The following KIF1B variants were observed in gnomAD, a reference collection of about 807,000 sequenced individuals.
KIF1B encodes kinesin family member 1B, also known as kinesin-like protein KIF1B.
KIF1B carries 76 observed loss-of-function variants against 241.9 expected under a neutral mutation model. The ratio of observed to expected loss-of-function variants is 0.31; its 90% CI spans 0.26 to 0.38. The LOEUF is 0.38. KIF1B is among the 10% of genes least tolerant of loss of function. The pLI, the probability that KIF1B is intolerant of heterozygous loss-of-function variation, is 1.00. For missense variants in KIF1B, 1,622 were observed against 2,271.4 expected (o/e 0.71, Z 5.81); for synonymous variants, 750 against 796.7 (o/e 0.94, Z 0.99).
chr1:10,339,839 G>C lies in KIF1B; in HGVS notation c.3493G>C (p.Ala1165Pro), dbSNP rs762337762. Reference protein sequence around the residue: ...LKNNGRGSPLAFYHVQNIAVE... With the variant: ...LKNNGRGSPLPFYHVQNIAVE... ...AAACAATGGCAGAGGAAGTCCCCTG[G>C]CCTTTTATCATGTGCAGAATGTAAG... Residue 1165 changes from alanine (A) to proline (P), a missense_variant, in exon 32 of 49, where the codon GCC becomes CCC. Transcript: ENST00000676179. The C allele has an allele frequency of 1.2e-6, 2 of 1,614,006 alleles. No individual in the cohort carries two copies. Among genetic ancestry groups the C allele is most frequent in the South Asian group, 2.2e-5 (2 of 91,070 alleles).
intron 17 of KIF1B, among the ~76,000 whole-genome samples, chr1:10,293,084 A>G (rs1257314167): frequency 2.6e-5 from 1 of 39,002 alleles, no homozygotes; most frequent in Non-Finnish European, 5.2e-5. Context: ...CTGGCCACAT[A>G]ACTTTTTTTT....
At chr1:10,285,465 C>G (rs1649639968) in intron 15 of KIF1B, among the ~76,000 whole-genome samples, 1 of 152,218 alleles carries the variant, frequency 6.6e-6, no homozygotes, top group South Asian at 2.1e-4. Context: ...TCAGGGAACT[C>G]TCCTTCCGAC....
chr1:10,229,872 A>G (rs1295501244), intron 1 of KIF1B, among the ~76,000 whole-genome samples: 1 of 86,244 alleles, frequency 1.2e-5, no homozygotes, highest in Non-Finnish European at 2.9e-5. Context: ...CGTCTCAAAA[A>G]AAAAAAAAAA....
intron 2 of KIF1B, among the ~76,000 whole-genome samples, chr1:10,237,170 T>G (rs935988610): frequency 3.9e-5 from 6 of 152,254 alleles, no homozygotes; most frequent in Admixed American, 3.9e-4. Context: ...TAAATGTTAC[T>G]GTCTTGACAT....
chr1:10,350,956 C>T (rs1490886394), intron 37 of KIF1B, among the ~76,000 whole-genome samples: 2 of 151,644 alleles, frequency 1.3e-5, no homozygotes, highest in Admixed American at 6.6e-5. Context: ...GGTGTGGTGG[C>T]TCATGCCTAT....
At chr1:10,250,199 C>T (rs1441394972) in intron 2 of KIF1B, among the ~76,000 whole-genome samples, 2 of 151,928 alleles carry the variant, frequency 1.3e-5, no homozygotes, top group Admixed American at 6.6e-5. Context: ...GGGTAAAATA[C>T]GTATTTAAGA....
Position 10,216,666 on chromosome 1 carries a change from C to T in KIF1B, c.-80+5788C>T, listed in dbSNP as rs1282274841. ...GAGCAGTTCTGCTTAGCTCCCTCCC[C>T]ATTTCTCCACAGTTGCTATTATAAA... On this transcript the variant is annotated intron_variant, in intron 1 of 48. Coordinates refer to ENST00000676179, the MANE Select transcript of KIF1B (RefSeq NM_001365951.3). Among the ~76,000 whole-genome samples the T allele has an allele frequency of 2.6e-5, 4 of 152,088 alleles. No individual in the cohort carries two copies. In the East Asian group the frequency reaches 7.7e-4, roughly 29 times the overall value.
chr1:10,260,886 C>CCA (rs1168814982), intron 4 of KIF1B, among the ~76,000 whole-genome samples: 1 of 150,660 alleles, frequency 6.6e-6, no homozygotes, highest in Non-Finnish European at 1.5e-5. Flanking sequence ...AAAAAAGAAA[C>CCA]CACACACACA....
At chr1:10,213,815 G>A (rs1205952822) in intron 1 of KIF1B, among the ~76,000 whole-genome samples, 1 of 152,124 alleles carries the variant, frequency 6.6e-6, no homozygotes, top group Non-Finnish European at 1.5e-5. Context: ...AAATTAAACA[G>A]ATGTGACTGT....
chr1:10,232,359 C>T lies in KIF1B; in HGVS notation c.31C>T (p.Arg11Trp). The stretch of plus-strand genomic sequence containing the variant: ...GGGAGCCTCAGTGAAGGTGGCTGTC[C>T]GGGTAAGGCCCTTCAATTCTCGAGA... MSGASVKVAV[R>W]VRPFNSRETS... The change falls in exon 2 of 49, where the codon CGG becomes TGG. Residue 11 changes from arginine to tryptophan, a missense_variant. Coordinates refer to ENST00000676179, the MANE Select transcript of KIF1B (RefSeq NM_001365951.3). 1 of 1,613,870 alleles carries T rather than the reference C, an allele frequency of 6.2e-7. No homozygotes were observed. The highest frequency in any genetic ancestry group is 8.5e-7 in the Non-Finnish European group (1 of 1,179,892).
At chr1:10,332,603 C>T in intron 27 of KIF1B, among the ~76,000 whole-genome samples, 1 of 143,396 alleles carries the variant, frequency 7.0e-6, no homozygotes. Flanking sequence ...GCAAGCTCCG[C>T]CTCCCGGGTT....
At chr1:10,242,358 G>C (rs1291782254) in intron 2 of KIF1B, among the ~76,000 whole-genome samples, 1 of 152,130 alleles carries the variant, frequency 6.6e-6, no homozygotes, top group Non-Finnish European at 1.5e-5. Context: ...TCCATACGTA[G>C]GCTCTGTGGT....
intron 6 of KIF1B, 152 bp from the exon 7 acceptor site, chr1:10,268,000 G>A: frequency 1.4e-6 from 1 of 696,936 alleles, no homozygotes; most frequent in South Asian, 1.6e-5. Context: ...AGGCAGTATT[G>A]AGAGCAATTG....
intron 2 of KIF1B, among the ~76,000 whole-genome samples, chr1:10,233,710 CT>C (rs61200537): frequency 5.8e-4 from 83 of 142,602 alleles, no homozygotes; most frequent in Admixed American, 8.5e-4. Flanking sequence ...CTCAATAAAG[CT>C]TTTTTTTTTT....
chr1:10,284,917 G>C (rs1041834717), intron 15 of KIF1B, among the ~76,000 whole-genome samples: 1 of 152,098 alleles, frequency 6.6e-6, no homozygotes, highest in African/African-American at 2.4e-5. Context: ...GAACATGTAA[G>C]TGGAAAGTGA....
rs894940983 is a variant in KIF1B, at chr1:10,378,782, G to T, written c.*2195G>T. 1.1e-5 allele frequency: 3 copies of T among 265,054 alleles called. No individual in the cohort carries two copies. The highest frequency in any genetic ancestry group is 2.2e-5 in the Non-Finnish European group (3 of 136,962). The allele number at this position is 265,054 out of a possible 1,614,324, so 16.4% of individuals were successfully genotyped here. On this transcript the variant is annotated 3_prime_UTR_variant, in exon 49 of 49. Transcript: ENST00000676179. ...CTCCTTATCACTGCATTGTGAAGAG[G>T]AGGAAAAGTGAATCACGGAGAGAGA... is the stretch of plus-strand genomic sequence containing the variant.
intron 28 of KIF1B, among the ~76,000 whole-genome samples, chr1:10,335,681 T>A (rs1652141085): frequency 6.6e-6 from 1 of 152,042 alleles, no homozygotes; most frequent in South Asian, 2.1e-4. Flanking sequence ...TTTGTTTGGC[T>A]GTTGTTTTGT....
chr1:10,361,671 A>T (rs749352859), intron 39 of KIF1B, 21 bp from the exon 40 acceptor site: 6 of 1,613,188 alleles, frequency 3.7e-6, no homozygotes, highest in Non-Finnish European at 5.1e-6. Flanking sequence ...CTTCATCAGC[A>T]CCTACCCTGT....
At chr1:10,371,048 A>G (rs1051919367) in intron 44 of KIF1B, 93 bp from the exon 45 acceptor site, 10 of 1,440,464 alleles carry the variant, frequency 6.9e-6, no homozygotes, top group Non-Finnish European at 9.8e-6. Flanking sequence ...AGATGTATCA[A>G]AGTGAGGTTC....
Sources: allele counts gnomAD v4.1 joint callset (sites outside exome capture counted in the v4.1 genomes callset), GRCh38; gene constraint gnomAD v4.1.1; transcripts MANE v1.5; gene names NCBI Gene and HGNC (gene_info 2026-07-23, HGNC 2026-07-21).